The following NUMA1 variants were observed in gnomAD, a reference collection of about 807,000 sequenced individuals.
The protein encoded by NUMA1 is SP-H antigen.
In NUMA1, 62 loss-of-function variants were observed where a neutral mutation model predicts 237.1. The ratio of observed to expected loss-of-function variants is 0.26; its 90% CI spans 0.21 to 0.32. NUMA1 has a LOEUF of 0.32. NUMA1 is among the 10% of genes least tolerant of loss of function. NUMA1 has a pLI of 1.00. For missense variants in NUMA1, 2,533 were observed against 2,666.5 expected (o/e 0.95, Z 1.10); for synonymous variants, 1,028 against 1,066.1 (o/e 0.96, Z 0.70).
chr11:72,060,453 G>A (rs943202582), intron 2 of NUMA1, among the ~76,000 whole-genome samples: 1 of 152,050 alleles, frequency 6.6e-6, no homozygotes, highest in African/African-American at 2.4e-5. Context: ...AGACCAACCT[G>A]GGCAACATGG....
In NUMA1 at chr11:72,022,288, G is replaced by A. The variant is rs139112675; in HGVS notation, c.372+51C>T. The A allele has an allele frequency of 2.6e-5, 32 of 1,225,504 alleles. No individual in the cohort carries two copies. The African/African-American group carries it at 3.8e-4, about 15-fold the overall frequency. The allele number at this position is 1,225,504 out of a possible 1,614,324, so 75.9% of individuals were successfully genotyped here. A position where few individuals can be genotyped will look rare whatever the true frequency, so the allele number is the denominator to read the frequency against. On this transcript the variant is annotated intron_variant, in intron 7 of 26. Coordinates refer to ENST00000393695, the MANE Select transcript of NUMA1 (RefSeq NM_006185.4). ...GTTCAAAGAAAAACAAGTCAGGTGA[G>A]GTGAAGCATGGGCTAGGCCTGCTAG...
In NUMA1 at chr11:72,029,145, C is replaced by T. The variant is rs181082652; in HGVS notation, c.128+60G>A. 56 of 1,240,008 alleles carry T rather than the reference C, an allele frequency of 4.5e-5. No homozygotes were observed. The African/African-American group carries it at 6.9e-4, about 15-fold the overall frequency. 76.8% of individuals were successfully genotyped at this position (1,240,008 alleles called of 1,614,324 possible). ...CATCAAGTAAAGAGAACAAGTACAG[C>T]CCCCACCCCAGCAATCAGCTTTGCC... is the stretch of plus-strand genomic sequence containing the variant. On this transcript the variant is annotated intron_variant, in intron 4 of 26. Transcript: ENST00000393695.
In NUMA1 at chr11:72,004,119, G is replaced by C; in HGVS notation, c.6124-20C>G. The C allele has an allele frequency of 6.2e-7, 1 of 1,612,804 alleles. No homozygotes were observed. The highest frequency in any genetic ancestry group is 8.5e-7 in the Non-Finnish European group (1 of 1,179,470). ...GTCAGCCTGCAAGGAAGGGCTGTCA[G>C]ACCGGGAGACCCAATGCTGCCTTCC... On this transcript the variant is annotated intron_variant, in intron 25 of 26. Transcript: ENST00000393695.
intron 21 of NUMA1, among the ~76,000 whole-genome samples, chr11:72,006,544 A>C (rs1008448625): frequency 6.6e-6 from 1 of 152,074 alleles, no homozygotes; most frequent in Non-Finnish European, 1.5e-5. Context: ...CCCATTTTGG[A>C]GATGAAGTGC....
chr11:72,055,733 G>A (rs1942598671), intron 2 of NUMA1, among the ~76,000 whole-genome samples: 1 of 151,868 alleles, frequency 6.6e-6, no homozygotes, highest in African/African-American at 2.4e-5. Context: ...TAATCCCAAT[G>A]GCTCAGGAGG....
chr11:72,078,239 A>C (rs1943806588), intron 1 of NUMA1, among the ~76,000 whole-genome samples: 1 of 152,254 alleles, frequency 6.6e-6, no homozygotes, highest in South Asian at 2.1e-4. Flanking sequence ...GAATGATCTC[A>C]TTCTAGAAAG....
chr11:72,011,151 G>T (rs891376690), intron 16 of NUMA1, among the ~76,000 whole-genome samples: 4 of 152,144 alleles, frequency 2.6e-5, no homozygotes, highest in Non-Finnish European at 5.9e-5. Context: ...CAGGAGAATT[G>T]ACTCTGGGGA....
Position 72,029,190 on chromosome 11 carries a change from A to G in NUMA1, c.128+15T>C, listed in dbSNP as rs757774000. 1.3e-6 allele frequency: 2 copies of G among 1,595,590 alleles called. No homozygotes were observed. Among genetic ancestry groups the G allele is most frequent in the South Asian group, 1.1e-5 (1 of 90,526 alleles). On this transcript the variant is annotated intron_variant, in intron 4 of 26. Transcript: ENST00000393695. ...TTTGCCTTAGAGGCTAGAAAGGGGT[A>G]TGGTGCGTACTCACATTCTGTCAAT...
At chr11:72,063,121 T>C (rs569834905) in intron 2 of NUMA1, among the ~76,000 whole-genome samples, 5 of 152,186 alleles carry the variant, frequency 3.3e-5, no homozygotes, top group Non-Finnish European at 7.4e-5. Context: ...TGGTGGCACA[T>C]GCCCAAAATC....
At chr11:72,017,340 T>C (rs1937979574) in intron 13 of NUMA1, 1 of 350,620 alleles carries the variant, frequency 2.9e-6, no homozygotes, top group Admixed American at 3.9e-5. Flanking sequence ...ACATACGTTT[T>C]CTCATAATAG....
rs1473305878 is a variant in NUMA1 at position 72,018,462 on chromosome 11, T to C, written c.794A>G (p.Asn265Ser). 1 of 1,614,112 alleles carries C rather than the reference T, an allele frequency of 6.2e-7. No homozygotes were observed. Among genetic ancestry groups the C allele is most frequent in the South Asian group, 1.1e-5 (1 of 91,082 alleles). ...CAGTGGGCTGGCCGCCTGCTTCTCATTCAGCAGGGCTAGGCGGTCAATGCG... is the reference window on the plus strand; with the variant it reads ...CAGTGGGCTGGCCGCCTGCTTCTCACTCAGCAGGGCTAGGCGGTCAATGCG... ...QQRIDRLALL[N>S]EKQAASPLEP... is the part of the protein sequence containing the mutation. Residue 265 changes from asparagine (N) to serine (S), a missense_variant, in exon 11 of 27, where the codon AAT (asparagine) becomes AGT (serine). Asn to Ser is a conservative substitution (Grantham distance 46). Transcript: ENST00000393695.
intron 4 of NUMA1, 63 bp downstream of exon 4, chr11:72,029,142 C>T: frequency 8.3e-7 from 1 of 1,205,406 alleles, no homozygotes; most frequent in Non-Finnish European, 1.2e-6. Flanking sequence ...AGAACAAGTA[C>T]AGCCCCCACC....
chr11:72,006,232 T>A lies in NUMA1; in HGVS notation c.5495A>T (p.Asn1832Ile), dbSNP rs761381957. Reference protein sequence around the residue: ...KLDVEEPDSANSSFYSTRSAP... With the variant: ...KLDVEEPDSAISSFYSTRSAP... Reference sequence around the variant, plus strand: ...AGACCGCGTGCTGTAGAACGATGAGTTGGCGCTGTCTGGCTCTTCCACATC... The same window carrying A: ...AGACCGCGTGCTGTAGAACGATGAGATGGCGCTGTCTGGCTCTTCCACATC... Residue 1832 changes from asparagine (N) to isoleucine (I), a missense_variant, in exon 22 of 27, where the codon AAC becomes ATC. Physicochemically the swap from Asn to Ile is moderately radical, Grantham distance 149. Transcript: ENST00000393695. The A allele has an allele frequency of 1.9e-6, 3 of 1,614,044 alleles. No individual in the cohort carries two copies. The highest frequency in any genetic ancestry group is 1.7e-5 in the Admixed American group (1 of 60,020).
In NUMA1 at chr11:72,016,584, CCA is replaced by C. The variant is rs944782090; in HGVS notation, c.1120-56_1120-55del. ...GAGAGGGGGAACAGGCACCAGATTA[CCA>C]CACAAGCCCTCATAAACATCAGCAA... On this transcript the variant is annotated intron_variant, in intron 13 of 26. Coordinates refer to ENST00000393695, the MANE Select transcript of NUMA1 (RefSeq NM_006185.4). 6.3e-6 allele frequency: 10 copies of C among 1,582,770 alleles called. No individual in the cohort carries two copies. In the African/African-American group the frequency reaches 1.2e-4, roughly 19 times the overall value.
At chr11:72,003,837 T>C (rs1398643598) in intron 26 of NUMA1, 50 bp downstream of exon 26, 2 of 1,581,140 alleles carry the variant, frequency 1.3e-6, no homozygotes, top group Non-Finnish European at 1.7e-6. Context: ...GTCTGGGGGG[T>C]GCCCATGCTC....
intron 2 of NUMA1, among the ~76,000 whole-genome samples, chr11:72,057,607 G>A (rs1942725862): frequency 1.3e-5 from 2 of 151,742 alleles, no homozygotes; most frequent in Non-Finnish European, 1.5e-5. Flanking sequence ...AGTTGGGCAT[G>A]GTGGCAGGCG....
chr11:72,012,968 T>C lies in NUMA1; in HGVS notation c.4535A>G (p.Tyr1512Cys). 2 of 1,614,146 alleles carry C rather than the reference T, an allele frequency of 1.2e-6. No individual in the cohort carries two copies. The highest frequency in any genetic ancestry group is 1.7e-6 in the Non-Finnish European group (2 of 1,180,016). ...CAGGACCTTGACCTTGGCACCCTCA[T>C]ACTTGGCAGTCATCACCTCCAGCTC... ...ARELEVMTAK[Y>C]EGAKVKVLEE... The change falls in exon 15 of 27, where the codon TAT becomes TGT. Residue 1512 changes from tyrosine to cysteine, a missense_variant. Physicochemically the swap from Tyr to Cys is radical, Grantham distance 194 (BLOSUM62 -2). Around this residue, in one of 3 missense-constraint regions of NUMA1, gnomAD observed 324 missense variants for 407.6 expected, o/e 0.79. Coordinates refer to ENST00000393695, the MANE Select transcript of NUMA1 (RefSeq NM_006185.4).
rs58928152 is a variant in NUMA1, at chr11:72,074,198, A to AC, written c.-102-4288_-102-4287insG. On this transcript the variant is annotated intron_variant, in intron 1 of 26. Transcript: ENST00000393695. ...ACCAGGAGCGAAACTCCATCTCAAA[A>AC]AAAATTAACCAGACGGTAGTGGTGT... 3.5e-5 allele frequency among the ~76,000 whole-genome samples: 5 copies of AC among 144,018 alleles called. No homozygotes were observed. The South Asian group carries it at 9.1e-4, about 26-fold the overall frequency. The allele number at this position is 144,018 out of a possible 152,430, so 94.5% of individuals were successfully genotyped here. A position where few individuals can be genotyped will look rare whatever the true frequency, so the allele number is the denominator to read the frequency against.
intron 1 of NUMA1, among the ~76,000 whole-genome samples, chr11:72,070,973 G>C (rs973052273): frequency 1.3e-5 from 2 of 152,042 alleles, no homozygotes; most frequent in East Asian, 3.9e-4. Context: ...CAAAATGCTG[G>C]GCACAGTCTC....
Sources: allele counts gnomAD v4.1 joint callset (sites outside exome capture counted in the v4.1 genomes callset), GRCh38; gene constraint gnomAD v4.1.1; regional missense constraint gnomAD v4.1.1; transcripts MANE v1.5; gene names NCBI Gene and HGNC (gene_info 2026-07-23, HGNC 2026-07-21).